Variants in GFRA1 observed in about 807,000 individuals in gnomAD.
The protein encoded by GFRA1 is GDNF family receptor alpha 1.
In GFRA1, 16 loss-of-function variants were observed where a neutral mutation model predicts 51.6. That is an observed-to-expected ratio of 0.31 (90% confidence interval 0.21 to 0.47). The LOEUF is 0.47. GFRA1 is among the 20% of genes least tolerant of loss of function. The pLI, the probability that GFRA1 is intolerant of heterozygous loss-of-function variation, is 1.00. For synonymous variants in GFRA1, 270 were observed against 241.3 expected (o/e 1.12, Z -1.10); for missense variants, 530 against 594.3 (o/e 0.89, Z 1.13).
intron 6 of GFRA1, among the ~76,000 whole-genome samples, chr10:116,106,379 A>G (rs1030054136): frequency 6.6e-6 from 1 of 152,354 alleles, no homozygotes; most frequent in South Asian, 2.1e-4. Context: ...CTTAAATTTC[A>G]GCTCAATCGC....
intron 5 of GFRA1, among the ~76,000 whole-genome samples, chr10:116,143,115 G>A (rs899335297): frequency 2.0e-5 from 3 of 152,208 alleles, no homozygotes; most frequent in Non-Finnish European, 4.4e-5. Context: ...TGCCATACAG[G>A]ATGGAGGTGG....
chr10:116,100,164 G>A (rs964291420), intron 6 of GFRA1, among the ~76,000 whole-genome samples: 4 of 152,172 alleles, frequency 2.6e-5, no homozygotes, highest in Admixed American at 1.3e-4. Context: ...CCAGACAGAA[G>A]GAAGCAGCAA....
intron 4 of GFRA1, among the ~76,000 whole-genome samples, chr10:116,219,567 G>A (rs1046279469): frequency 2.6e-5 from 4 of 152,012 alleles, no homozygotes; most frequent in Non-Finnish European, 5.9e-5. Flanking sequence ...TGACCTTCTC[G>A]GAATTCTTTT....
chr10:116,167,843 T>C (rs1960634329), intron 5 of GFRA1, among the ~76,000 whole-genome samples: 1 of 152,166 alleles, frequency 6.6e-6, no homozygotes, highest in African/African-American at 2.4e-5. Context: ...TGCTATGAAA[T>C]ACTCATGAGA....
At chr10:116,243,038 C>CT in intron 4 of GFRA1, among the ~76,000 whole-genome samples, 1 of 152,276 alleles carries the variant, frequency 6.6e-6, no homozygotes, top group Non-Finnish European at 1.5e-5. Context: ...GAATGATCTA[C>CT]TTTATCCGCA....
At chr10:116,138,050 C>T (rs1172328247) in intron 5 of GFRA1, among the ~76,000 whole-genome samples, 3 of 152,174 alleles carry the variant, frequency 2.0e-5, no homozygotes, top group Non-Finnish European at 4.4e-5. Context: ...ATCTATCCGC[C>T]TCAGCCTCCC....
At chr10:116,251,470 G>A (rs1968356049) in intron 4 of GFRA1, among the ~76,000 whole-genome samples, 1 of 152,180 alleles carries the variant, frequency 6.6e-6, no homozygotes. Context: ...TGCACAAAAT[G>A]TGTGAGGTTG....
At chr10:116,208,783 G>C (rs1271686403) in intron 5 of GFRA1, among the ~76,000 whole-genome samples, 1 of 152,238 alleles carries the variant, frequency 6.6e-6, no homozygotes, top group Non-Finnish European at 1.5e-5. Context: ...AACTTCAAAT[G>C]AGGCGTGCAT....
intron 9 of GFRA1, among the ~76,000 whole-genome samples, chr10:116,080,198 C>A (rs923367967): frequency 1.3e-5 from 2 of 152,164 alleles, no homozygotes; most frequent in African/African-American, 4.8e-5. Flanking sequence ...TCTGAGCATG[C>A]TTTACACTCA....
chr10:116,118,236 G>A lies in GFRA1; in HGVS notation c.770+6985C>T, dbSNP rs576875873. On this transcript the variant is annotated intron_variant, in intron 6 of 10. Coordinates refer to ENST00000355422, the MANE Select transcript of GFRA1 (RefSeq NM_005264.8). ...CTGTCCTGTTCTTGTGGGACTCTGC[G>A]CTCATCGCTTCTCATGGGTCAACTG... Among the ~76,000 whole-genome samples the A allele has an allele frequency of 1.2e-4, 19 of 152,234 alleles. 1 individual carries two copies. The South Asian group carries it at 3.5e-3, about 28-fold the overall frequency.
chr10:116,137,155 T>C (rs1958360653), intron 5 of GFRA1, among the ~76,000 whole-genome samples: 2 of 152,284 alleles, frequency 1.3e-5, no homozygotes, highest in East Asian at 1.9e-4. Context: ...AGGCTACAGG[T>C]CCGAATGTCA....
intron 9 of GFRA1, among the ~76,000 whole-genome samples, chr10:116,070,274 T>C (rs1268417328): frequency 6.6e-6 from 1 of 152,146 alleles, no homozygotes; most frequent in African/African-American, 2.4e-5. Flanking sequence ...TAAAATGCAA[T>C]CAACTTTGCT....
At chr10:116,121,391 T>A (rs1957637679) in intron 6 of GFRA1, among the ~76,000 whole-genome samples, 2 of 152,062 alleles carry the variant, frequency 1.3e-5, no homozygotes, top group Admixed American at 1.3e-4. Context: ...GCCCAAACAG[T>A]CAGGCTCTGA....
chr10:116,228,692 G>T (rs949298755), intron 4 of GFRA1, among the ~76,000 whole-genome samples: 1 of 152,044 alleles, frequency 6.6e-6, no homozygotes, highest in Non-Finnish European at 1.5e-5. Flanking sequence ...AGTCAAGAAA[G>T]GCAGGTGGGG....
intron 4 of GFRA1, among the ~76,000 whole-genome samples, chr10:116,241,230 A>C (rs1160566869): frequency 6.6e-6 from 1 of 152,190 alleles, no homozygotes; most frequent in Non-Finnish European, 1.5e-5. Flanking sequence ...TGGGGAGAAA[A>C]CCAATTCACA....
intron 5 of GFRA1, among the ~76,000 whole-genome samples, chr10:116,168,256 T>C (rs1315312703): frequency 6.6e-6 from 1 of 151,772 alleles, no homozygotes; most frequent in African/African-American, 2.4e-5. Context: ...AATAGGGCAG[T>C]GAATAACACA....
intron 6 of GFRA1, among the ~76,000 whole-genome samples, chr10:116,113,364 A>C (rs974778263): frequency 1.3e-5 from 2 of 152,162 alleles, no homozygotes; most frequent in African/African-American, 2.4e-5. Flanking sequence ...ACAAAAGCCC[A>C]TTGAGATCCT....
intron 5 of GFRA1, among the ~76,000 whole-genome samples, chr10:116,138,497 A>G (rs910735618): frequency 3.9e-4 from 60 of 152,134 alleles, no homozygotes; most frequent in African/African-American, 1.4e-3. Context: ...TCCTCATTCC[A>G]TGAAGATCTT....
At chr10:116,107,676 G>A in intron 6 of GFRA1, among the ~76,000 whole-genome samples, 1 of 152,140 alleles carries the variant, frequency 6.6e-6, no homozygotes, top group Non-Finnish European at 1.5e-5. Flanking sequence ...TCAAGCCTGT[G>A]TTCATTTAAG....
Sources: allele counts gnomAD v4.1 joint callset (sites outside exome capture counted in the v4.1 genomes callset), GRCh38; gene constraint gnomAD v4.1.1; transcripts MANE v1.5; gene names NCBI Gene and HGNC (gene_info 2026-07-23, HGNC 2026-07-21).